The following ANGPTL5 variants were observed in gnomAD, a reference collection of about 807,000 sequenced individuals.
ANGPTL5 encodes the protein angiopoietin-related protein 5.
In ANGPTL5, 34 loss-of-function variants were observed where a neutral mutation model predicts 39.4. That is an observed-to-expected ratio of 0.86 (90% CI 0.66 to 1.15). The LOEUF is 1.15. Ranked by LOEUF, ANGPTL5 falls within the 50% of genes most tolerant of loss-of-function variation. The pLI is 0.00. For synonymous variants in ANGPTL5, 146 were observed against 152.1 expected (o/e 0.96, Z 0.29); for missense variants, 467 against 457.5 (o/e 1.02, Z -0.19).
chr11:101,904,751 G>T, intron 5 of ANGPTL5, 63 bp downstream of exon 5: 1 of 1,423,428 alleles, frequency 7.0e-7, no homozygotes, highest in Non-Finnish European at 9.9e-7. Context: ...GGATCGACCT[G>T]TCCAGGAAAA....
intron 1 of ANGPTL5, among the ~76,000 whole-genome samples, chr11:101,908,561 C>G (rs1940037483): frequency 6.6e-6 from 1 of 152,026 alleles, no homozygotes; most frequent in African/African-American, 2.4e-5. Context: ...GGTGGATCAC[C>G]TGAGGTCAGG....
intron 1 of ANGPTL5, chr11:101,915,072 C>G (rs1051620477): frequency 1.8e-5 from 11 of 598,900 alleles, no homozygotes; most frequent in African/African-American, 1.1e-4. Context: ...TGCTATTGCC[C>G]GGCGAGGTCG....
rs1046062041 is a variant in ANGPTL5 at position 101,908,031 on chromosome 11, A to G, written c.-92-30T>C. 1.6e-4 allele frequency: 115 copies of G among 716,564 alleles called. 4 individuals carry two copies. The highest frequency in any genetic ancestry group is 6.5e-4 in the South Asian group (40 of 61,978). 44.4% of individuals were successfully genotyped at this position (716,564 alleles called of 1,614,324 possible). A position where few individuals can be genotyped will look rare whatever the true frequency, so the allele number is the denominator to read the frequency against. On this transcript the variant is annotated intron_variant, in intron 1 of 8. Coordinates refer to ENST00000334289, the MANE Select transcript of ANGPTL5 (RefSeq NM_178127.5). ...AAAGCGTACAACAAAAACATAAGCC[A>G]AAACTTACTAGTTTCCATGCCCTGG...
chr11:101,898,094 G>A (rs1030310548), intron 7 of ANGPTL5, among the ~76,000 whole-genome samples: 1 of 151,994 alleles, frequency 6.6e-6, no homozygotes, highest in Non-Finnish European at 1.5e-5. Context: ...ATGGAGGCAG[G>A]CACCTGTAAT....
At chr11:101,897,964 C>G (rs1474151632) in intron 7 of ANGPTL5, among the ~76,000 whole-genome samples, 1 of 152,106 alleles carries the variant, frequency 6.6e-6, no homozygotes, top group Non-Finnish European at 1.5e-5. Context: ...TGGCTCATGT[C>G]TGTAATCCCA....
chr11:101,896,576 A>G (rs1939800726), intron 7 of ANGPTL5, among the ~76,000 whole-genome samples: 2 of 151,956 alleles, frequency 1.3e-5, no homozygotes, highest in Admixed American at 1.3e-4. Flanking sequence ...CTCATTGTTC[A>G]ACTCCTACTT....
At chr11:101,909,744 T>C (rs1018332061) in intron 1 of ANGPTL5, among the ~76,000 whole-genome samples, 5 of 152,056 alleles carry the variant, frequency 3.3e-5, no homozygotes, top group African/African-American at 9.7e-5. Flanking sequence ...AAAAAAATTG[T>C]CCATCACAGC....
rs1940208422 is a variant in ANGPTL5, at chr11:101,916,193, C to G, written c.-267G>C. 1 of 152,204 alleles carries G rather than the reference C, an allele frequency of 6.6e-6. No individual in the cohort carries two copies. The allele number at this position is 152,204 out of a possible 1,614,324, so 9.4% of individuals were successfully genotyped here. A position where few individuals can be genotyped will look rare whatever the true frequency, so the allele number is the denominator to read the frequency against. ...ATGGTGTTGTGTAATCATCTTCAGT[C>G]TTGTCAGAGATGAGTGTCTTCTCTT... On this transcript the variant is annotated 5_prime_UTR_variant, in exon 1 of 9. Transcript: ENST00000334289.
Position 101,905,842 on chromosome 11 carries a change from A to G in ANGPTL5, c.247T>C (p.Leu83=). 1 of 1,576,394 alleles carries G rather than the reference A, an allele frequency of 6.3e-7. No homozygotes were observed. The highest frequency in any genetic ancestry group is 8.7e-7 in the Non-Finnish European group (1 of 1,147,664). The part of the protein sequence containing the change: ...REEKHFMCRN[L]QNSIVSYTRS... Reference sequence around the variant, plus strand: ...GTGTAGGAAACAATAGAATTTTGCAAATTTCCTTAACCATAATAAAAAGTG... The same window carrying G: ...GTGTAGGAAACAATAGAATTTTGCAGATTTCCTTAACCATAATAAAAAGTG... Residue 83 remains leucine (L), a synonymous_variant, in exon 4 of 9, where the codon TTG becomes CTG. Coordinates refer to ENST00000334289, the MANE Select transcript of ANGPTL5 (RefSeq NM_178127.5).
rs140482383 is a variant in ANGPTL5, at chr11:101,912,028, A to G, written c.-93+3991T>C. 2.5e-3 allele frequency among the ~76,000 whole-genome samples: 382 copies of G among 152,306 alleles called. 3 individuals are homozygous for G. The highest frequency in any genetic ancestry group is 8.8e-3 in the African/African-American group (365 of 41,564). ...ACAGATAGAACTGACATTGGTCTCTATCCCCCTTCACTATCCCACTTTCCA... is the reference window on the plus strand; with the variant it reads ...ACAGATAGAACTGACATTGGTCTCTGTCCCCCTTCACTATCCCACTTTCCA... On this transcript the variant is annotated intron_variant, in intron 1 of 8. Coordinates refer to ENST00000334289, the MANE Select transcript of ANGPTL5 (RefSeq NM_178127.5).
chr11:101,901,076 G>A (rs1255746553), intron 6 of ANGPTL5, among the ~76,000 whole-genome samples: 9 of 141,342 alleles, frequency 6.4e-5, no homozygotes, highest in Non-Finnish European at 4.5e-5. Context: ...ACGGGGTTTC[G>A]CTGTGTTAGC....
At chr11:101,901,054 G>A (rs10895217) in intron 6 of ANGPTL5, among the ~76,000 whole-genome samples, 1 of 126,664 alleles carries the variant, frequency 7.9e-6, no homozygotes, top group Non-Finnish European at 1.6e-5. Flanking sequence ...ATTTTTGTAT[G>A]TTTTAGTAGA....
At position 101,895,887 on chromosome 11, in the gene ANGPTL5, A is replaced by G. The variant is rs191749068; in HGVS notation, c.662-823T>C. On this transcript the variant is annotated intron_variant, in intron 7 of 8. Coordinates refer to ENST00000334289, the MANE Select transcript of ANGPTL5 (RefSeq NM_178127.5). The stretch of plus-strand genomic sequence containing the variant: ...AGGGTCCAGTCAAAACAAACTTCAG[A>G]GTTGGAGAATAACATGACAGCATTC... Among the ~76,000 whole-genome samples the G allele has an allele frequency of 8.3e-4, 127 of 152,346 alleles. 1 individual carries two copies. The highest frequency in any genetic ancestry group is 2.9e-3 in the African/African-American group (122 of 41,576).
intron 7 of ANGPTL5, among the ~76,000 whole-genome samples, chr11:101,897,750 T>A (rs1347213932): frequency 6.6e-6 from 1 of 152,216 alleles, no homozygotes; most frequent in Admixed American, 6.5e-5. Flanking sequence ...CTGTTTTGGT[T>A]ACTGTAGCCT....
intron 1 of ANGPTL5, among the ~76,000 whole-genome samples, chr11:101,911,875 A>G (rs146820564): frequency 6.6e-6 from 1 of 152,288 alleles, no homozygotes; most frequent in Non-Finnish European, 1.5e-5. Flanking sequence ...CTGTCCTCAC[A>G]GTCTTCTGTA....
Position 101,894,931 on chromosome 11 carries a change from C to G in ANGPTL5, c.795G>C (p.Glu265Asp), listed in dbSNP as rs764729251. ...GCATTTTAAAAAATCTCGTTTCATC[C>G]TCTAGCCAAAAATTATCATATGATG... ...AYASYDNFWL[E>D]DETRFFKMHL... Residue 265 changes from glutamate (E) to aspartate (D), a missense_variant, in exon 8 of 9, where the codon GAG becomes GAC. Physicochemically the swap from Glu to Asp is conservative, Grantham distance 45 (BLOSUM62 2). Coordinates refer to ENST00000334289, the MANE Select transcript of ANGPTL5 (RefSeq NM_178127.5). The G allele has an allele frequency of 6.2e-7, 1 of 1,613,492 alleles. No homozygotes were observed. Among genetic ancestry groups the G allele is most frequent in the South Asian group, 1.1e-5 (1 of 91,056 alleles).
At chr11:101,906,173 G>A (rs1254920876) in intron 3 of ANGPTL5, among the ~76,000 whole-genome samples, 1 of 152,080 alleles carries the variant, frequency 6.6e-6, no homozygotes, top group African/African-American at 2.4e-5. Flanking sequence ...ATAGAGGCAG[G>A]AGTTATAGGA....
intron 6 of ANGPTL5, among the ~76,000 whole-genome samples, chr11:101,901,489 G>A (rs1317230514): frequency 6.6e-6 from 1 of 152,028 alleles, no homozygotes; most frequent in South Asian, 2.1e-4. Context: ...CCCCTAAAAG[G>A]ACCTCTGTAG....
Position 101,910,260 on chromosome 11 carries a change from A to G in ANGPTL5, c.-92-2259T>C, listed in dbSNP as rs202025097. On this transcript the variant is annotated intron_variant, in intron 1 of 8. Transcript: ENST00000334289. ...ACCCTGTCTCTACTAAAAATACAAA[A>G]TTAGCTGGGCGTGGTGGCGCATGCC... 2.7e-4 allele frequency among the ~76,000 whole-genome samples: 41 copies of G among 151,742 alleles called. 1 individual carries two copies. The East Asian group carries it at 7.8e-3, about 29-fold the overall frequency.
Sources: allele counts gnomAD v4.1 joint callset (sites outside exome capture counted in the v4.1 genomes callset), GRCh38; gene constraint gnomAD v4.1.1; transcripts MANE v1.5; gene names NCBI Gene and HGNC (gene_info 2026-07-23, HGNC 2026-07-21).